Variants in TCF7L2 observed in about 807,000 individuals in gnomAD.
TCF7L2 encodes transcription factor 7 like 2.
A neutral mutation model predicts 77.9 loss-of-function variants in TCF7L2; 23 were observed. The observed-to-expected ratio is 0.30, with a 90% CI of 0.21 to 0.42. TCF7L2 has a LOEUF of 0.42. TCF7L2 is among the 10% of genes least tolerant of loss of function. The pLI is 1.00. For missense variants in TCF7L2, 654 were observed against 793.1 expected (o/e 0.82, Z 2.11); for synonymous variants, 413 against 340.2 (o/e 1.21, Z -2.36).
intron 6 of TCF7L2, among the ~76,000 whole-genome samples, chr10:113,143,192 A>G (rs2068695797): frequency 1.3e-5 from 2 of 152,372 alleles, no homozygotes; most frequent in East Asian, 1.9e-4. Flanking sequence ...GAATCCGCTC[A>G]TGTGTGCCTT....
chr10:113,166,062 T>A lies in TCF7L2; in HGVS notation c.*90T>A. The A allele has an allele frequency of 7.8e-7, 1 of 1,284,566 alleles. No homozygotes were observed. Among genetic ancestry groups the A allele is most frequent in the Middle Eastern group, 2.0e-4 (1 of 5,058 alleles). 79.6% of individuals were successfully genotyped at this position (1,284,566 alleles called of 1,614,324 possible). A position where few individuals can be genotyped will look rare whatever the true frequency, so the allele number is the denominator to read the frequency against. Reference sequence around the variant, plus strand: ...CACCCCCACCTTGAAAGGTTTTGTTTTGTACTCTCTTAATTTTGTGCCATG... The same window carrying A: ...CACCCCCACCTTGAAAGGTTTTGTTATGTACTCTCTTAATTTTGTGCCATG... On this transcript the variant is annotated 3_prime_UTR_variant, in exon 14 of 14. Transcript: ENST00000627217.
chr10:113,089,311 G>A (rs923103444), intron 5 of TCF7L2: 19 of 1,450,560 alleles, frequency 1.3e-5, no homozygotes, highest in Non-Finnish European at 1.7e-5. Flanking sequence ...GGTTAGGGCA[G>A]AAAGGAAGGC....
chr10:113,076,424 C>T (rs1325507635), intron 5 of TCF7L2, among the ~76,000 whole-genome samples: 1 of 152,164 alleles, frequency 6.6e-6, no homozygotes, highest in Non-Finnish European at 1.5e-5. Context: ...ATGCGTGAAA[C>T]ACCACACCTG....
chr10:113,050,939 A>G (rs1184029560), intron 5 of TCF7L2, among the ~76,000 whole-genome samples: 1 of 152,216 alleles, frequency 6.6e-6, no homozygotes, highest in Non-Finnish European at 1.5e-5. Flanking sequence ...AACTCCCAGC[A>G]TAAGAAATCA....
At chr10:113,075,432 C>G (rs1029933948) in intron 5 of TCF7L2, among the ~76,000 whole-genome samples, 6 of 150,148 alleles carry the variant, frequency 4.0e-5, no homozygotes, top group Non-Finnish European at 8.9e-5. Flanking sequence ...GCACTCCAGC[C>G]TGGGCGACAA....
intron 5 of TCF7L2, among the ~76,000 whole-genome samples, chr10:113,099,997 G>A (rs767116727): frequency 2.6e-5 from 4 of 152,160 alleles, no homozygotes; most frequent in Non-Finnish European, 5.9e-5. Flanking sequence ...TCTGTCCCAA[G>A]TTCCCACTCC....
intron 4 of TCF7L2, among the ~76,000 whole-genome samples, chr10:113,009,636 C>T (rs551359978): frequency 1.3e-5 from 2 of 152,212 alleles, no homozygotes; most frequent in Non-Finnish European, 2.9e-5. Flanking sequence ...TACTGCTTGC[C>T]CTAACCCTCT....
intron 4 of TCF7L2, among the ~76,000 whole-genome samples, chr10:113,014,778 T>C (rs909759998): frequency 2.0e-5 from 3 of 151,988 alleles, no homozygotes; most frequent in Admixed American, 2.0e-4. Flanking sequence ...AGAGCGAGAC[T>C]TCATCTCACA....
chr10:113,118,351 G>A (rs1445112137), intron 5 of TCF7L2, among the ~76,000 whole-genome samples: 1 of 152,138 alleles, frequency 6.6e-6, no homozygotes, highest in Non-Finnish European at 1.5e-5. Flanking sequence ...CTGGAAACTT[G>A]TTTCTTAAAG....
intron 5 of TCF7L2, chr10:113,125,770 A>C (rs2065486921): frequency 6.6e-6 from 1 of 150,464 alleles, no homozygotes; most frequent in Non-Finnish European, 1.5e-5. Flanking sequence ...AGTCTATAGC[A>C]AAAAGCTAGG....
intron 4 of TCF7L2, among the ~76,000 whole-genome samples, chr10:112,999,934 A>G (rs1416675977): frequency 6.6e-6 from 1 of 152,130 alleles, no homozygotes; most frequent in African/African-American, 2.4e-5. Context: ...TTGTTTTCTC[A>G]TCTGTAAAAT....
At chr10:113,161,716 T>C in intron 13 of TCF7L2, 1 of 1,179,796 alleles carries the variant, frequency 8.5e-7, no homozygotes, top group Non-Finnish European at 1.2e-6. Context: ...TTAGATCAGA[T>C]GTGCATCCCA....
At chr10:113,082,242 A>G (rs1284096790) in intron 5 of TCF7L2, among the ~76,000 whole-genome samples, 1 of 151,882 alleles carries the variant, frequency 6.6e-6, no homozygotes, top group Non-Finnish European at 1.5e-5. Context: ...ACCTTCACAT[A>G]TAAAACTAAT....
At chr10:112,998,406 A>G (rs1340673550) in intron 4 of TCF7L2, among the ~76,000 whole-genome samples, 1 of 152,216 alleles carries the variant, frequency 6.6e-6, no homozygotes, top group African/African-American at 2.4e-5. Context: ...GTGAAAGAAA[A>G]AGGGAGAAAG....
At chr10:113,118,347 A>T (rs2064163251) in intron 5 of TCF7L2, among the ~76,000 whole-genome samples, 1 of 152,096 alleles carries the variant, frequency 6.6e-6, no homozygotes, top group East Asian at 1.9e-4. Context: ...TTTACTGGAA[A>T]CTTGTTTCTT....
Position 113,165,926 on chromosome 10 carries a change from G to T in TCF7L2, c.1763G>T (p.Gly588Val), listed in dbSNP as rs1182954986. ...TTACATTCCCACAGCTCCCTGGCCG[G>T]GACCCAGCCCCAGCCGCTGTCGCTC... Residue 588 changes from glycine to valine, a missense_variant, in exon 14 of 14, where the codon GGG (glycine) becomes GTG (valine). Coordinates refer to ENST00000627217, the MANE Select transcript of TCF7L2 (RefSeq NM_001146274.2). The T allele has an allele frequency of 1.9e-6, 3 of 1,565,970 alleles. No homozygotes were observed. The South Asian group carries it at 3.5e-5, about 18-fold the overall frequency.
At chr10:113,143,236 C>T (rs1480893589) in intron 6 of TCF7L2, among the ~76,000 whole-genome samples, 1 of 152,236 alleles carries the variant, frequency 6.6e-6, no homozygotes, top group Admixed American at 6.5e-5. Flanking sequence ...GCACGCGGTG[C>T]CCATTCAGCA....
chr10:113,011,678 T>C (rs549957570), intron 4 of TCF7L2, among the ~76,000 whole-genome samples: 1 of 152,286 alleles, frequency 6.6e-6, no homozygotes, highest in African/African-American at 2.4e-5. Context: ...TATTACTACT[T>C]TGAGTATTAC....
At chr10:113,138,869 C>T (rs747025965) in intron 5 of TCF7L2, among the ~76,000 whole-genome samples, 6 of 152,134 alleles carry the variant, frequency 3.9e-5, no homozygotes, top group Non-Finnish European at 8.8e-5. Flanking sequence ...TTAGGGCCTA[C>T]TGAGAGATTT....
Sources: gnomAD v4.1 joint callset for allele counts (sites outside exome capture counted in the v4.1 genomes callset) on GRCh38, gnomAD v4.1.1 for gene constraint, MANE v1.5 for transcripts, NCBI Gene and HGNC (gene_info 2026-07-23, HGNC 2026-07-21) for gene names.